The following GRK5 variants were observed in gnomAD, a reference collection of about 807,000 sequenced individuals.
GRK5 encodes the protein G protein-coupled receptor kinase 5.
Under a neutral mutation model 78.4 loss-of-function variants are expected in GRK5, and 40 were observed. That is an observed-to-expected ratio of 0.51 (90% CI 0.40 to 0.66). The LOEUF (loss-of-function observed/expected upper bound fraction) is 0.66. Ranked by LOEUF, GRK5 falls within the 30% of genes least tolerant of loss-of-function variation. The pLI is 0.00. For synonymous variants in GRK5, 289 were observed against 296.8 expected, an observed-to-expected ratio of 0.97 and a Z score of 0.27; for missense variants, 598 against 759.9, an observed-to-expected ratio of 0.79 and a Z score of 2.50.
intron 2 of GRK5, among the ~76,000 whole-genome samples, chr10:119,346,301 G>C (rs1275688453): frequency 6.6e-6 from 1 of 152,212 alleles, no homozygotes; most frequent in Non-Finnish European, 1.5e-5. Flanking sequence ...CAGCCCTAGG[G>C]GTAGCTCCTC....
At chr10:119,409,693 C>T (rs894900079) in intron 4 of GRK5, among the ~76,000 whole-genome samples, 2 of 149,068 alleles carry the variant, frequency 1.3e-5, no homozygotes, top group African/African-American at 4.9e-5. Context: ...TTTCCTGGCT[C>T]GTAGGAGATT....
In GRK5 at chr10:119,412,009, C is replaced by G. The variant is rs1462044872; in HGVS notation, c.340-11157C>G. ...GGGACTATAGGCATACACCACCACGCCTGGCTAATTTTTGTATTTTTAGTA... is the reference window on the plus strand; with the variant it reads ...GGGACTATAGGCATACACCACCACGGCTGGCTAATTTTTGTATTTTTAGTA... On this transcript the variant is annotated intron_variant, in intron 4 of 15. Coordinates refer to ENST00000392870, the MANE Select transcript of GRK5 (RefSeq NM_005308.3). The surrounding 1 kb of genome is among the most constrained non-coding windows in gnomAD (Gnocchi z 4.3). 1.3e-5 allele frequency among the ~76,000 whole-genome samples: 2 copies of G among 151,962 alleles called. No individual in the cohort carries two copies. Among genetic ancestry groups the G allele is most frequent in the Non-Finnish European group, 2.9e-5 (2 of 67,994 alleles).
chr10:119,448,142 A>T lies in GRK5; in HGVS notation c.1286A>T (p.Lys429Met). Reference protein sequence around the residue: ...ICKMLLTKDAKQRLGCQEEGA... With the variant: ...ICKMLLTKDAMQRLGCQEEGA... ...TTTCAGCTGCTCACGAAAGATGCGA[A>T]GCAGAGGCTGGGCTGCCAGGAGGAG... Residue 429 changes from lysine (K) to methionine (M), a missense_variant, in exon 13 of 16, where the codon AAG (lysine) becomes ATG (methionine). Physicochemically the swap from Lys to Met is moderately conservative, Grantham distance 95. Transcript: ENST00000392870. The T allele has an allele frequency of 6.4e-7, 1 of 1,560,810 alleles. No homozygotes were observed. Among genetic ancestry groups the T allele is most frequent in the Non-Finnish European group, 8.6e-7 (1 of 1,160,160 alleles).
At position 119,256,746 on chromosome 10, in the gene GRK5, C is replaced by T. The variant is rs541357306; in HGVS notation, c.52+48777C>T. Among the ~76,000 whole-genome samples the T allele has an allele frequency of 3.3e-5, 5 of 152,256 alleles. No individual in the cohort carries two copies. In the South Asian group the frequency reaches 8.3e-4, roughly 25 times the overall value. On this transcript the variant is annotated intron_variant, in intron 1 of 15. Coordinates refer to ENST00000392870, the MANE Select transcript of GRK5 (RefSeq NM_005308.3). ...TTTTATTGAGAGATAATTCACGTAC[C>T]ATAATATTCTCCACTTTAAAGTGTA...
Position 119,207,838 on chromosome 10 carries a change from G to C in GRK5, c.-80G>C, listed in dbSNP as rs1848411460. 1 of 1,381,098 alleles carries C rather than the reference G, an allele frequency of 7.2e-7. No individual in the cohort carries two copies. The highest frequency in any genetic ancestry group is 2.7e-5 in the East Asian group (1 of 36,670). 85.6% of individuals were successfully genotyped at this position (1,381,098 alleles called of 1,614,324 possible). A position where few individuals can be genotyped will look rare whatever the true frequency, so the allele number is the denominator to read the frequency against. On this transcript the variant is annotated 5_prime_UTR_variant, in exon 1 of 16. Coordinates refer to ENST00000392870, the MANE Select transcript of GRK5 (RefSeq NM_005308.3). ...GCTCCGGCAGCAGCGGCGGCAGCCC[G>C]AGCAGCGGCAGCAGCAGCGGCAGCA... is the stretch of plus-strand genomic sequence containing the variant.
Position 119,269,728 on chromosome 10 carries a change from G to A in GRK5, c.53-56788G>A, listed in dbSNP as rs906954091. Reference sequence around the variant, plus strand: ...TGCTCCTGTAATCCCAGCTACTTGGGAGGCTGAGGCAGGAGAATTGCTTGA... The same window carrying A: ...TGCTCCTGTAATCCCAGCTACTTGGAAGGCTGAGGCAGGAGAATTGCTTGA... On this transcript the variant is annotated intron_variant, in intron 1 of 15. Coordinates refer to ENST00000392870, the MANE Select transcript of GRK5 (RefSeq NM_005308.3). 2.0e-5 allele frequency among the ~76,000 whole-genome samples: 3 copies of A among 151,554 alleles called. No homozygotes were observed. The East Asian group carries it at 5.9e-4, about 30-fold the overall frequency.
intron 1 of GRK5, among the ~76,000 whole-genome samples, chr10:119,306,762 C>T (rs1186618334): frequency 6.6e-6 from 1 of 152,126 alleles, no homozygotes; most frequent in East Asian, 1.9e-4. Context: ...TTCCTGCAGA[C>T]ATTCTGCTGG....
chr10:119,278,994 C>CT (rs1447196662), intron 1 of GRK5, among the ~76,000 whole-genome samples: 3 of 152,250 alleles, frequency 2.0e-5, no homozygotes, highest in Admixed American at 2.0e-4. Flanking sequence ...TCTCCCACCT[C>CT]TGTCTCCCGA....
chr10:119,277,501 T>G (rs1217283631), intron 1 of GRK5, among the ~76,000 whole-genome samples: 1 of 152,166 alleles, frequency 6.6e-6, no homozygotes, highest in East Asian at 1.9e-4. Flanking sequence ...GCGACACCCC[T>G]GCCACAACAG....
Position 119,445,683 on chromosome 10 carries a change from G to A in GRK5, c.1266+1931G>A, listed in dbSNP as rs565010186. Among the ~76,000 whole-genome samples, 5 of 152,300 alleles carry A rather than the reference G, an allele frequency of 3.3e-5. No homozygotes were observed. In the South Asian group the frequency reaches 6.2e-4, roughly 19 times the overall value. ...TTAGGCCTCCTTCACGCCCTTGACT[G>A]CAGCATCTCCGGCATCTAGGCCTAC... On this transcript the variant is annotated intron_variant, in intron 12 of 15. Coordinates refer to ENST00000392870, the MANE Select transcript of GRK5 (RefSeq NM_005308.3). The surrounding 1 kb of genome is among the most constrained non-coding windows in gnomAD (Gnocchi z 4.1).
At chr10:119,344,092 C>CG (rs1184515277) in intron 2 of GRK5, among the ~76,000 whole-genome samples, 1 of 150,444 alleles carries the variant, frequency 6.6e-6, no homozygotes, top group Admixed American at 6.6e-5. Flanking sequence ...TTTTTTTTGG[C>CG]GGGGGGTAAC....
At chr10:119,325,497 GA>G (rs1850660111) in intron 1 of GRK5, among the ~76,000 whole-genome samples, 3 of 152,248 alleles carry the variant, frequency 2.0e-5, no homozygotes, top group Non-Finnish European at 4.4e-5. Context: ...GCAAGCAGAC[GA>G]GCTACATAAA....
chr10:119,336,941 C>T lies in GRK5; in HGVS notation c.148+10330C>T, dbSNP rs1435455441. Among the ~76,000 whole-genome samples the T allele has an allele frequency of 3.3e-5, 5 of 152,138 alleles. No homozygotes were observed. The highest frequency in any genetic ancestry group is 5.9e-5 in the Non-Finnish European group (4 of 68,028). On this transcript the variant is annotated intron_variant, in intron 2 of 15. Coordinates refer to ENST00000392870, the MANE Select transcript of GRK5 (RefSeq NM_005308.3). This position sits in a 1 kb window ranked among gnomAD's most constrained non-coding sequence, Gnocchi z 4.5. ...GTTAGTCTCACCTCCCCACTACGGC[C>T]GGAAGCTCCTTGAAAGAGAAGGCAC... is the stretch of plus-strand genomic sequence containing the variant.
At chr10:119,232,575 TG>T (rs1261751369) in intron 1 of GRK5, among the ~76,000 whole-genome samples, 3 of 152,138 alleles carry the variant, frequency 2.0e-5, no homozygotes. Context: ...AATTGAATCA[TG>T]GGGGGCAGGT....
intron 4 of GRK5, among the ~76,000 whole-genome samples, chr10:119,397,765 T>C (rs1852081159): frequency 6.6e-6 from 1 of 152,180 alleles, no homozygotes; most frequent in Non-Finnish European, 1.5e-5. Flanking sequence ...GCATCAGCAG[T>C]TGGTAGTGGC....
At chr10:119,218,963 T>A (rs538761507) in intron 1 of GRK5, among the ~76,000 whole-genome samples, 1 of 148,262 alleles carries the variant, frequency 6.7e-6, no homozygotes, top group South Asian at 2.1e-4. Context: ...AGTGGCACGA[T>A]CTCAGCTCAC....
chr10:119,249,155 C>G (rs1849158242), intron 1 of GRK5, among the ~76,000 whole-genome samples: 1 of 151,968 alleles, frequency 6.6e-6, no homozygotes. Flanking sequence ...CCTGTAATCC[C>G]AGCTACTCAG....
chr10:119,428,863 C>T (rs1387469146), intron 6 of GRK5, among the ~76,000 whole-genome samples: 1 of 152,170 alleles, frequency 6.6e-6, no homozygotes, highest in Non-Finnish European at 1.5e-5. Context: ...GGGTTTTTTT[C>T]CTCCCAAGGT....
Position 119,452,947 on chromosome 10 carries a change from A to C in GRK5, c.1542+139A>C. ...TTTCTCCATGAAGGCAGCACACAAA[A>C]GCTGTCAGTGGCCAAGTAGGGAGCT... On this transcript the variant is annotated intron_variant, in intron 14 of 15. Coordinates refer to ENST00000392870, the MANE Select transcript of GRK5 (RefSeq NM_005308.3). This position sits in a 1 kb window ranked among gnomAD's most constrained non-coding sequence, Gnocchi z 4.4. 8.8e-7 allele frequency: 1 copy of C among 1,130,062 alleles called. No individual in the cohort carries two copies. The highest frequency in any genetic ancestry group is 1.3e-6 in the Non-Finnish European group (1 of 772,104). 70.0% of individuals were successfully genotyped at this position (1,130,062 alleles called of 1,614,324 possible).
Sources: gnomAD v4.1 joint callset for allele counts (sites outside exome capture counted in the v4.1 genomes callset) on GRCh38, gnomAD v4.1.1 for gene constraint, Gnocchi (gnomAD v3.1) non-coding constraint, MANE v1.5 for transcripts, NCBI Gene and HGNC (gene_info 2026-07-23, HGNC 2026-07-21) for gene names.